Variants in ZNF438 observed in about 807,000 individuals in gnomAD.
ZNF438 encodes the protein zinc finger protein 438.
A neutral mutation model predicts 38.0 loss-of-function variants in ZNF438; 25 were observed. The ratio of observed to expected loss-of-function variants is 0.66; its 90% CI spans 0.48 to 0.92. ZNF438 has a LOEUF of 0.92. ZNF438 is among the 40% of genes least tolerant of loss of function. ZNF438 has a pLI of 0.00. For synonymous variants in ZNF438, 372 were observed against 364.1 expected (o/e 1.02, Z -0.25); for missense variants, 1,007 against 999.6 (o/e 1.01, Z -0.10).
chr10:31,023,290 A>G (rs1459969403), intron 1 of ZNF438, among the ~76,000 whole-genome samples: 2 of 152,234 alleles, frequency 1.3e-5, no homozygotes, highest in Non-Finnish European at 2.9e-5. Context: ...TATCAAGACT[A>G]ATTGTGGCAG....
At chr10:31,015,116 C>A (rs1387190384) in intron 1 of ZNF438, among the ~76,000 whole-genome samples, 1 of 152,184 alleles carries the variant, frequency 6.6e-6, no homozygotes, top group Non-Finnish European at 1.5e-5. Flanking sequence ...TCCGAAAGCA[C>A]GTCGGCTTCC....
intron 2 of ZNF438, chr10:30,923,433 G>A (rs1418374444): frequency 6.6e-6 from 1 of 151,962 alleles, no homozygotes. Context: ...CATAATTTTA[G>A]ATTTTATAAT....
intron 1 of ZNF438, among the ~76,000 whole-genome samples, chr10:31,009,523 G>A (rs888524702): frequency 3.3e-5 from 5 of 152,138 alleles, no homozygotes; most frequent in Admixed American, 1.3e-4. Flanking sequence ...AAAATACTAA[G>A]TATTATATGT....
intron 1 of ZNF438, among the ~76,000 whole-genome samples, chr10:31,030,856 C>G (rs1279192753): frequency 6.6e-6 from 1 of 152,184 alleles, no homozygotes; most frequent in East Asian, 1.9e-4. Flanking sequence ...CCAAAATATT[C>G]AAGCAGTCAG....
At chr10:30,983,513 C>T (rs1375280476) in intron 1 of ZNF438, among the ~76,000 whole-genome samples, 5 of 152,096 alleles carry the variant, frequency 3.3e-5, no homozygotes, top group African/African-American at 9.7e-5. Context: ...GAAGGAAATT[C>T]GCCCTCATGA....
chr10:30,850,348 A>G, exon 5 of ZNF438: 1 of 1,612,194 alleles, frequency 6.2e-7, no homozygotes, highest in Non-Finnish European at 8.5e-7. Context: ...GTATTGTTCC[A>G]GAAGGGATGT....
At chr10:30,893,928 A>G (rs1232225292) in intron 3 of ZNF438, among the ~76,000 whole-genome samples, 1 of 152,248 alleles carries the variant, frequency 6.6e-6, no homozygotes, top group African/African-American at 2.4e-5. Flanking sequence ...ATACTATTAA[A>G]TTAAACACTG....
intron 1 of ZNF438, among the ~76,000 whole-genome samples, chr10:30,997,945 T>C (rs1379934692): frequency 6.6e-6 from 1 of 152,200 alleles, no homozygotes; most frequent in East Asian, 1.9e-4. Context: ...TTAGCTGCTA[T>C]ATAAGCCAAC....
intron 1 of ZNF438, among the ~76,000 whole-genome samples, chr10:31,024,376 T>C (rs2056801989): frequency 6.6e-6 from 1 of 152,182 alleles, no homozygotes. Context: ...CCTGTAATCC[T>C]AGCACTTCGG....
intron 1 of ZNF438, among the ~76,000 whole-genome samples, chr10:30,983,848 T>C (rs976498492): frequency 6.6e-6 from 1 of 152,200 alleles, no homozygotes; most frequent in African/African-American, 2.4e-5. Flanking sequence ...ACAAGATAGA[T>C]ACAAAAATAG....
intron 1 of ZNF438, among the ~76,000 whole-genome samples, chr10:31,014,543 G>A (rs928091035): frequency 6.6e-5 from 10 of 152,088 alleles, no homozygotes; most frequent in African/African-American, 1.2e-4. Flanking sequence ...TATAAACATG[G>A]AGGATTAGGG....
At chr10:30,848,381 T>G in intron 5 of ZNF438, 150 bp downstream of exon 6, 4 of 910,860 alleles carry the variant, frequency 4.4e-6, no homozygotes, top group Non-Finnish European at 6.4e-6. Context: ...AAGATCATTC[T>G]TCACAGATCT....
Position 30,936,160 on chromosome 10 carries a change from A to C in ZNF438, c.-115+5415T>G, listed in dbSNP as rs372226288. 3.3e-5 allele frequency among the ~76,000 whole-genome samples: 5 copies of C among 152,328 alleles called. No homozygotes were observed. In the East Asian group the frequency reaches 9.6e-4, roughly 29 times the overall value. On this transcript the variant is annotated intron_variant, in intron 2 of 5. Coordinates refer to ENST00000413025, the Ensembl canonical transcript of ZNF438. ...CCAGTTTCTATTGCCAACTCGACTT[A>C]TGACTTCGGTTTTTTTAAACCTCTA...
At chr10:31,029,147 C>T (rs1363839575) in intron 1 of ZNF438, among the ~76,000 whole-genome samples, 3 of 152,210 alleles carry the variant, frequency 2.0e-5, no homozygotes, top group African/African-American at 7.2e-5. Context: ...AGCTACATCA[C>T]TCACCAGCTG....
chr10:30,990,853 A>G (rs1270100599), intron 1 of ZNF438, among the ~76,000 whole-genome samples: 5 of 150,968 alleles, frequency 3.3e-5, no homozygotes, highest in Admixed American at 6.6e-5. Flanking sequence ...AGAGAGATTG[A>G]AGATATATCT....
intron 1 of ZNF438, among the ~76,000 whole-genome samples, chr10:30,967,024 G>A (rs1201234292): frequency 6.6e-6 from 1 of 152,182 alleles, no homozygotes. Context: ...AAAGAGATGT[G>A]CTATAAGCAG....
At chr10:30,872,550 A>C (rs1485984143) in intron 4 of ZNF438, among the ~76,000 whole-genome samples, 1 of 150,302 alleles carries the variant, frequency 6.7e-6, no homozygotes, top group Non-Finnish European at 1.5e-5. Context: ...GGAGATTGAG[A>C]CCAACCTGGC....
chr10:30,887,455 C>CCA (rs973249234), intron 3 of ZNF438, among the ~76,000 whole-genome samples: 4 of 150,844 alleles, frequency 2.7e-5, no homozygotes, highest in Non-Finnish European at 1.5e-5. Context: ...TCACTGTACT[C>CCA]CAGCCCAGAT....
At chr10:30,947,880 C>T (rs995612657) in intron 1 of ZNF438, among the ~76,000 whole-genome samples, 6 of 152,210 alleles carry the variant, frequency 3.9e-5, no homozygotes, top group African/African-American at 7.2e-5. Context: ...CGCCCTGCTT[C>T]GGCTCGCGCA....
Sources: allele counts gnomAD v4.1 joint callset (sites outside exome capture counted in the v4.1 genomes callset), GRCh38; gene constraint gnomAD v4.1.1; transcripts MANE v1.5; gene names NCBI Gene and HGNC (gene_info 2026-07-23, HGNC 2026-07-21).